The following ZRANB3 variants were observed in gnomAD, a reference collection of about 807,000 sequenced individuals.
ZRANB3 encodes the protein DNA annealing helicase and endonuclease ZRANB3.
A neutral mutation model predicts 133.8 loss-of-function variants in ZRANB3; 125 were observed. That is an observed-to-expected ratio of 0.93 (90% CI 0.81 to 1.08). The LOEUF (loss-of-function observed/expected upper bound fraction) is 1.08. ZRANB3 is among the 50% of genes least tolerant of loss of function. ZRANB3 has a pLI of 0.00. For synonymous variants in ZRANB3, 387 were observed against 432.7 expected, an observed-to-expected ratio of 0.89 and a Z score of 1.31; for missense variants, 1,229 against 1,275.5, an observed-to-expected ratio of 0.96 and a Z score of 0.56.
At chr2:135,451,792 T>C (rs1690285029) in intron 2 of ZRANB3, among the ~76,000 whole-genome samples, 1 of 152,148 alleles carries the variant, frequency 6.6e-6, no homozygotes, top group African/African-American at 2.4e-5. Context: ...TAGAAGAAGC[T>C]AGAGAAAATG....
At chr2:135,225,311 G>A (rs1694717096) in intron 14 of ZRANB3, among the ~76,000 whole-genome samples, 2 of 152,162 alleles carry the variant, frequency 1.3e-5, no homozygotes, top group South Asian at 4.1e-4. Context: ...GTTCCTCAGT[G>A]ATCTTTTAAA....
At position 135,230,703 on chromosome 2, in the gene ZRANB3, A is replaced by C. The variant is rs1369598925; in HGVS notation, c.1764T>G (p.Ser588Arg). The change falls in exon 13 of 21, where the codon AGT becomes AGG. Residue 588 changes from serine to arginine, a missense_variant. Transcript: ENST00000264159. ...ACTGGGATGGTGTCTCTTCCGACGGACTGCAGTGGTCTTCCGAGGCAGCCA... is the reference window on the plus strand; with the variant it reads ...ACTGGGATGGTGTCTCTTCCGACGGCCTGCAGTGGTCTTCCGAGGCAGCCA... ...LKLAASEDHCSPSEETPSQSK... is the reference protein window; with the variant it reads ...LKLAASEDHCRPSEETPSQSK... The C allele has an allele frequency of 1.2e-6, 2 of 1,612,768 alleles. No homozygotes were observed. The highest frequency in any genetic ancestry group is 1.7e-6 in the Non-Finnish European group (2 of 1,179,490).
intron 8 of ZRANB3, among the ~76,000 whole-genome samples, chr2:135,312,629 A>G (rs965615367): frequency 5.9e-5 from 9 of 152,190 alleles, no homozygotes; most frequent in African/African-American, 1.9e-4. Context: ...TCTGTAGGGT[A>G]CTGAACATGG....
At position 135,228,003 on chromosome 2, in the gene ZRANB3, T is replaced by C; in HGVS notation, c.1967A>G (p.Asp656Gly). Reference protein sequence around the residue: ...TPQGSAVMQIDSLNHIQDKNE... With the variant: ...TPQGSAVMQIGSLNHIQDKNE... ...TTTATCCTGGATATGGTTGAGGCTA[T>C]CTATTTGCATAACTATTAAAATAAA... Residue 656 changes from aspartate to glycine, a missense_variant, in exon 14 of 21, where the codon GAT becomes GGT. Physicochemically the swap from Asp to Gly is moderately conservative, Grantham distance 94. Coordinates refer to ENST00000264159, the MANE Select transcript of ZRANB3 (RefSeq NM_032143.4). 1 of 1,537,594 alleles carries C rather than the reference T, an allele frequency of 6.5e-7. No individual in the cohort carries two copies. Among genetic ancestry groups the C allele is most frequent in the Non-Finnish European group, 8.8e-7 (1 of 1,142,024 alleles).
At chr2:135,441,408 A>T (rs904939268) in intron 2 of ZRANB3, among the ~76,000 whole-genome samples, 1 of 152,108 alleles carries the variant, frequency 6.6e-6, no homozygotes, top group Non-Finnish European at 1.5e-5. Context: ...AGGTGAAACA[A>T]AGACATTCTC....
chr2:135,459,154 C>CATATGTA (rs1297119189), intron 2 of ZRANB3, among the ~76,000 whole-genome samples: 2 of 152,158 alleles, frequency 1.3e-5, no homozygotes, highest in Admixed American at 6.5e-5. Flanking sequence ...CAGACTGTCA[C>CATATGTA]AGTTCAGACC....
At chr2:135,208,775 C>A in intron 18 of ZRANB3, 93 bp downstream of exon 18, 1 of 1,108,108 alleles carries the variant, frequency 9.0e-7, no homozygotes, top group South Asian at 1.5e-5. Context: ...CTAAAGTGGT[C>A]ATGCAAAGGT....
chr2:135,521,712 ACAT>A (rs766718540), intron 1 of ZRANB3, among the ~76,000 whole-genome samples: 3 of 152,216 alleles, frequency 2.0e-5, no homozygotes, highest in Non-Finnish European at 4.4e-5. Context: ...AAGGCACTAC[ACAT>A]AAGAGGGAAC....
intron 2 of ZRANB3, among the ~76,000 whole-genome samples, chr2:135,466,260 G>A (rs1295675130): frequency 6.6e-6 from 1 of 151,836 alleles, no homozygotes; most frequent in Non-Finnish European, 1.5e-5. Flanking sequence ...GTGCATGCCT[G>A]TAGTCCCAGC....
chr2:135,482,741 C>T (rs373031418), intron 2 of ZRANB3, among the ~76,000 whole-genome samples: 3 of 152,176 alleles, frequency 2.0e-5, no homozygotes, highest in East Asian at 1.9e-4. Flanking sequence ...CAGTATGATA[C>T]TGGCAGTGGG....
chr2:135,229,413 C>G lies in ZRANB3; in HGVS notation c.1954+1100G>C, dbSNP rs867111218. Among the ~76,000 whole-genome samples, 437 of 150,090 alleles carry G rather than the reference C, an allele frequency of 2.9e-3. 3 individuals are homozygous for G. The highest frequency in any genetic ancestry group is 9.9e-3 in the African/African-American group (404 of 40,774). ...GACGGAGTCTCGCTCTGTTGCCCAG[C>G]CTGGAGTGCAGTGGCGCGATCTCGG... is the stretch of plus-strand genomic sequence containing the variant. On this transcript the variant is annotated intron_variant, in intron 13 of 20. Coordinates refer to ENST00000264159, the MANE Select transcript of ZRANB3 (RefSeq NM_032143.4).
At chr2:135,453,281 T>C (rs1040177239) in intron 2 of ZRANB3, among the ~76,000 whole-genome samples, 10 of 152,190 alleles carry the variant, frequency 6.6e-5, no homozygotes, top group African/African-American at 2.4e-4. Context: ...AGGCCTGTGA[T>C]GGGAGGGGCT....
intron 1 of ZRANB3, chr2:135,511,995 T>G (rs761952650): frequency 6.6e-5 from 44 of 670,336 alleles, no homozygotes; most frequent in Admixed American, 3.9e-4. Context: ...TCCAAACCTG[T>G]GCGGCTGAGC....
chr2:135,236,522 T>G (rs886625532), intron 12 of ZRANB3, among the ~76,000 whole-genome samples: 11 of 152,144 alleles, frequency 7.2e-5, no homozygotes, highest in South Asian at 2.1e-4. Context: ...GGCATCACAC[T>G]ACCTGACTTC....
chr2:135,381,283 C>G (rs1476247850), intron 3 of ZRANB3, among the ~76,000 whole-genome samples: 1 of 152,160 alleles, frequency 6.6e-6, no homozygotes, highest in Non-Finnish European at 1.5e-5. Context: ...CGAACTGTAA[C>G]ACAGCAGCAA....
At chr2:135,376,885 A>G (rs1364476205) in intron 3 of ZRANB3, among the ~76,000 whole-genome samples, 1 of 152,226 alleles carries the variant, frequency 6.6e-6, no homozygotes, top group East Asian at 1.9e-4. Context: ...GGAAAACAAA[A>G]TGTGATAAAA....
chr2:135,479,504 G>A (rs572493998), intron 2 of ZRANB3, among the ~76,000 whole-genome samples: 44 of 152,038 alleles, frequency 2.9e-4, no homozygotes, highest in African/African-American at 6.8e-4. Context: ...ACATGATGGC[G>A]GGTGCCTGTA....
chr2:135,481,555 T>C (rs2104793732), intron 2 of ZRANB3, among the ~76,000 whole-genome samples: 1 of 152,198 alleles, frequency 6.6e-6, no homozygotes, highest in Middle Eastern at 3.4e-3. Flanking sequence ...TTTTCTCCCA[T>C]TTTGTAGGTT....
intron 3 of ZRANB3, among the ~76,000 whole-genome samples, chr2:135,361,425 C>T (rs1301941747): frequency 6.6e-6 from 1 of 152,072 alleles, no homozygotes. Flanking sequence ...TTTTAGGTTT[C>T]CTAAATGTTT....
Sources: allele counts gnomAD v4.1 joint callset (sites outside exome capture counted in the v4.1 genomes callset), GRCh38; gene constraint gnomAD v4.1.1; transcripts MANE v1.5; gene names NCBI Gene and HGNC (gene_info 2026-07-23, HGNC 2026-07-21).